The following NRG3 variants were observed in gnomAD, a reference collection of about 807,000 sequenced individuals.
NRG3 encodes the protein neuregulin 3.
In NRG3, 31 loss-of-function variants were observed where a neutral mutation model predicts 66.9. The observed-to-expected ratio is 0.46, with a 90% CI of 0.35 to 0.63. The LOEUF is 0.63. Among genes scored for constraint, NRG3 ranks in the 20% least tolerant of loss-of-function variants. The probability of loss-of-function intolerance (pLI) is 0.00; values close to 1 mark genes in which losing one functional copy is unlikely to be tolerated. For missense variants in NRG3, 910 were observed against 878.9 expected (o/e 1.04, Z -0.45); for synonymous variants, 393 against 359.4 (o/e 1.09, Z -1.06).
chr10:82,270,278 A>T (rs1005195723), intron 1 of NRG3, among the ~76,000 whole-genome samples: 1 of 152,094 alleles, frequency 6.6e-6, no homozygotes, highest in Non-Finnish European at 1.5e-5. Context: ...CATTTAACTG[A>T]TTGGAACTGT....
intron 1 of NRG3, among the ~76,000 whole-genome samples, chr10:82,209,120 A>G (rs1423052020): frequency 6.6e-6 from 1 of 152,200 alleles, no homozygotes; most frequent in Non-Finnish European, 1.5e-5. Flanking sequence ...GGAATCTGTT[A>G]AAATACAAGT....
At chr10:82,488,706 G>A (rs1376685255) in intron 2 of NRG3, among the ~76,000 whole-genome samples, 1 of 152,126 alleles carries the variant, frequency 6.6e-6, no homozygotes, top group Non-Finnish European at 1.5e-5. Flanking sequence ...CAACTCTGGG[G>A]GCTGTGAAGC....
chr10:82,972,432 G>A (rs1000081358), intron 6 of NRG3, among the ~76,000 whole-genome samples: 4 of 151,936 alleles, frequency 2.6e-5, no homozygotes, highest in Non-Finnish European at 2.9e-5. Flanking sequence ...TTTTAAAGCC[G>A]ACATTTTAAG....
intron 1 of NRG3, among the ~76,000 whole-genome samples, chr10:82,301,686 C>CTATATATATATATATATA (rs60882154): frequency 0.021 from 2,871 of 137,136 alleles, 52 homozygotes; most frequent in Non-Finnish European, 0.036. Flanking sequence ...ACATATATTC[C>CTATATATATATATATATA]TATATATATA....
intron 1 of NRG3, among the ~76,000 whole-genome samples, chr10:82,288,918 T>C (rs1377268179): frequency 6.6e-6 from 1 of 152,236 alleles, no homozygotes; most frequent in Non-Finnish European, 1.5e-5. Context: ...TTGGTCACTT[T>C]AGCATTAATA....
intron 5 of NRG3, among the ~76,000 whole-genome samples, chr10:82,955,904 C>A (rs999380922): frequency 6.6e-6 from 1 of 151,882 alleles, no homozygotes; most frequent in African/African-American, 2.4e-5. Context: ...CTCTGAAGAC[C>A]TAGACCTTTT....
chr10:82,273,061 A>G (rs2078679713), intron 1 of NRG3, among the ~76,000 whole-genome samples: 1 of 152,080 alleles, frequency 6.6e-6, no homozygotes, highest in African/African-American at 2.4e-5. Flanking sequence ...AACTTCACTC[A>G]TAGACTTGGA....
At chr10:82,747,897 G>C (rs1242745966) in intron 3 of NRG3, among the ~76,000 whole-genome samples, 1 of 151,730 alleles carries the variant, frequency 6.6e-6, no homozygotes, top group Non-Finnish European at 1.5e-5. Context: ...TGAATTAACA[G>C]TAATTAAGCT....
intron 2 of NRG3, among the ~76,000 whole-genome samples, chr10:82,386,040 A>G (rs1589939945): frequency 6.6e-6 from 1 of 152,168 alleles, no homozygotes; most frequent in East Asian, 1.9e-4. Context: ...CATCAGTGAA[A>G]TCACTTTTCC....
intron 1 of NRG3, among the ~76,000 whole-genome samples, chr10:82,161,458 C>CT (rs1442241732): frequency 1.3e-5 from 2 of 152,138 alleles, no homozygotes; most frequent in Non-Finnish European, 1.5e-5. Flanking sequence ...ATCACTTCCC[C>CT]TTTTTTTGTA....
At chr10:82,474,639 A>T (rs1412809839) in intron 2 of NRG3, among the ~76,000 whole-genome samples, 1 of 152,154 alleles carries the variant, frequency 6.6e-6, no homozygotes, top group Non-Finnish European at 1.5e-5. Context: ...TACCAAGGGG[A>T]CCAATGTATG....
At chr10:82,846,869 G>A (rs2063332761) in intron 3 of NRG3, among the ~76,000 whole-genome samples, 1 of 152,184 alleles carries the variant, frequency 6.6e-6, no homozygotes, top group Non-Finnish European at 1.5e-5. Flanking sequence ...CACCTACTAT[G>A]AGCGAGATTG....
chr10:82,348,685 C>T (rs1325740981), intron 1 of NRG3, among the ~76,000 whole-genome samples: 4 of 148,172 alleles, frequency 2.7e-5, no homozygotes, highest in African/African-American at 1.0e-4. Flanking sequence ...CTCCATTCTC[C>T]CCATCACTTT....
intron 2 of NRG3, among the ~76,000 whole-genome samples, chr10:82,368,484 A>G (rs1461560091): frequency 7.2e-6 from 1 of 138,526 alleles, no homozygotes; most frequent in Admixed American, 6.8e-5. Context: ...TTGTTAGGGG[A>G]ATGCTCCCTT....
At chr10:81,981,701 A>G (rs1180552914) in intron 1 of NRG3, among the ~76,000 whole-genome samples, 3 of 152,106 alleles carry the variant, frequency 2.0e-5, no homozygotes. Flanking sequence ...CAATCTCTGA[A>G]TAGCTTCTGG....
intron 1 of NRG3, among the ~76,000 whole-genome samples, chr10:82,287,314 C>T (rs2079475614): frequency 6.6e-6 from 1 of 152,018 alleles, no homozygotes. Flanking sequence ...GACTTGCCTG[C>T]TTCCTGTTTG....
rs1227153873 is a variant in NRG3, at chr10:82,985,804, C to T, written c.*199C>T. The T allele has an allele frequency of 1.0e-5, 6 of 592,134 alleles. No individual in the cohort carries two copies. The highest frequency in any genetic ancestry group is 1.7e-5 in the Non-Finnish European group (6 of 351,066). The allele number at this position is 592,134 out of a possible 1,614,324, so 36.7% of individuals were successfully genotyped here. A position where few individuals can be genotyped will look rare whatever the true frequency, so the allele number is the denominator to read the frequency against. ...ATGTTTCAGGAGGGATAAAGCTTAC[C>T]ATTAAAGCTTTTGGGTAGAATTCTG... On this transcript the variant is annotated 3_prime_UTR_variant, in exon 9 of 9. Coordinates refer to ENST00000372141, the MANE Select transcript of NRG3 (RefSeq NM_001010848.4).
intron 2 of NRG3, among the ~76,000 whole-genome samples, chr10:82,649,127 A>T (rs1184907523): frequency 6.6e-6 from 1 of 152,158 alleles, no homozygotes; most frequent in Admixed American, 6.5e-5. Context: ...TGGCCAGGGC[A>T]ATTAGGCAGG....
intron 1 of NRG3, among the ~76,000 whole-genome samples, chr10:82,199,627 C>T (rs1425331231): frequency 1.3e-5 from 2 of 152,074 alleles, no homozygotes; most frequent in Non-Finnish European, 2.9e-5. Context: ...TCCATTTGCA[C>T]TTACATTAAC....
Sources: allele counts gnomAD v4.1 joint callset (sites outside exome capture counted in the v4.1 genomes callset), GRCh38; gene constraint gnomAD v4.1.1; transcripts MANE v1.5; gene names NCBI Gene and HGNC (gene_info 2026-07-23, HGNC 2026-07-21).